DMD: variants seen among roughly 807,000 people sequenced by gnomAD.
DMD encodes the protein dystrophin, also known as mutant dystrophin.
A neutral mutation model predicts 330.1 loss-of-function variants in DMD; 63 were observed. The ratio of observed to expected loss-of-function variants is 0.19; its 90% CI spans 0.16 to 0.24. The LOEUF (loss-of-function observed/expected upper bound fraction) is 0.24. Among genes scored for constraint, DMD ranks in the 10% least tolerant of loss-of-function variants. The pLI, the probability that DMD is intolerant of heterozygous loss-of-function variation, is 1.00. For synonymous variants in DMD, 1,223 were observed against 959.8 expected (o/e 1.27, Z -5.07); for missense variants, 3,344 against 2,684.1 (o/e 1.25, Z -5.43).
At chrX:33,254,140 A>G (rs570960124) in intron 1 of DMD, among the ~76,000 whole-genome samples, 1 of 111,019 alleles carries the variant, frequency 9.0e-6, no homozygotes. Context: ...TATTCTTGCC[A>G]GTTTATAAAC....
At position 32,614,303 on chromosome X, in the gene DMD, C is replaced by A; in HGVS notation, c.1482G>T (p.Lys494Asn). 1 of 1,208,102 alleles carries A rather than the reference C, an allele frequency of 8.3e-7. No homozygotes were observed. Among genetic ancestry groups the A allele is most frequent in the African/African-American group, 1.7e-5 (1 of 57,378 alleles). ...AGCACGCAACATAAGATACACCTAC[C>A]TTATGTTGTTGTACTTGGCGTTTTA... Reference protein sequence around the residue: ...EDLKRQVQQHKVLQEDLEQEQ... With the variant: ...EDLKRQVQQHNVLQEDLEQEQ... The change falls in exon 12 of 79, where the codon AAG (lysine) becomes AAT (asparagine). Residue 494 changes from lysine (K) to asparagine (N), a missense_variant and splice_region_variant. Lys to Asn is a moderately conservative substitution (Grantham distance 94). Transcript: ENST00000357033.
At chrX:32,301,182 G>A (rs749835733) in intron 42 of DMD, among the ~76,000 whole-genome samples, 14 of 94,153 alleles carry the variant, frequency 1.5e-4, no homozygotes, top group African/African-American at 4.7e-4. Flanking sequence ...AAGCAAAATC[G>A]CTCTTTCATA....
intron 34 of DMD, among the ~76,000 whole-genome samples, chrX:32,379,528 A>G (rs1328798049): frequency 8.9e-6 from 1 of 111,858 alleles, no homozygotes; most frequent in East Asian, 2.8e-4. Flanking sequence ...ATAATTCAAT[A>G]TCTTATCTAA....
At chrX:31,537,423 C>T (rs1331122430) in intron 55 of DMD, among the ~76,000 whole-genome samples, 1 of 111,864 alleles carries the variant, frequency 8.9e-6, no homozygotes, top group Non-Finnish European at 1.9e-5. Context: ...CCATTTCAAA[C>T]CCTTGCAAGG....
chrX:31,795,108 T>G (rs994581135), intron 50 of DMD, among the ~76,000 whole-genome samples: 17 of 111,187 alleles, frequency 1.5e-4, no homozygotes, highest in African/African-American at 5.3e-4. Flanking sequence ...AAATTCTGCT[T>G]TCTAGGAGAA....
At chrX:32,962,277 G>A (rs1357929008) in intron 2 of DMD, among the ~76,000 whole-genome samples, 2 of 111,782 alleles carry the variant, frequency 1.8e-5, no homozygotes, top group African/African-American at 3.2e-5. Context: ...GACACATTAA[G>A]GTTATGCTTT....
intron 76 of DMD, 49 bp from the exon 77 acceptor site, chrX:31,134,243 A>C: frequency 1.0e-6 from 1 of 996,082 alleles, no homozygotes; most frequent in Non-Finnish European, 1.4e-6. Context: ...TATAGAAAAC[A>C]GATATTAAAG....
chrX:32,418,769 C>T (rs747784485), intron 29 of DMD, among the ~76,000 whole-genome samples: 13 of 107,930 alleles, frequency 1.2e-4, no homozygotes, highest in Admixed American at 3.9e-4. Context: ...TTCAGGAGAT[C>T]GAAACCATCC....
intron 30 of DMD, among the ~76,000 whole-genome samples, chrX:32,400,441 C>G (rs1022118643): frequency 1.8e-5 from 2 of 110,891 alleles, no homozygotes; most frequent in East Asian, 2.8e-4. Flanking sequence ...TGTCTCTGCC[C>G]GGCTTTGGTA....
chrX:33,144,676 C>G (rs1011420869), intron 1 of DMD, among the ~76,000 whole-genome samples: 1 of 111,065 alleles, frequency 9.0e-6, no homozygotes. Context: ...AGAGTGTAGA[C>G]CTTAGTCCAT....
intron 9 of DMD, among the ~76,000 whole-genome samples, chrX:32,655,531 AT>A (rs1312761030): frequency 2.7e-5 from 3 of 111,714 alleles, no homozygotes; most frequent in African/African-American, 9.8e-5. Context: ...GTTCTTTTAC[AT>A]TTGCTGAGGG....
chrX:31,240,227 T>C (rs1279129300), intron 63 of DMD, among the ~76,000 whole-genome samples: 1 of 111,726 alleles, frequency 9.0e-6, no homozygotes, highest in African/African-American at 3.2e-5. Flanking sequence ...AGGTTAATTA[T>C]GTAAAAGGTA....
Position 31,152,678 on chromosome X carries a change from C to A in DMD, c.10554-5160G>T, listed in dbSNP as rs977620230. On this transcript the variant is annotated intron_variant, in intron 74 of 78. Transcript: ENST00000357033. ...CCTCCTGAGTAGTTGGGACTACAGGCATGTACCACCACTCCTGGCTAATAT... is the reference window on the plus strand; with the variant it reads ...CCTCCTGAGTAGTTGGGACTACAGGAATGTACCACCACTCCTGGCTAATAT... Among the ~76,000 whole-genome samples, 33 of 111,387 alleles carry A rather than the reference C, an allele frequency of 3.0e-4. 1 individual carries two copies. Among genetic ancestry groups the A allele is most frequent in the Non-Finnish European group, 6.2e-4 (33 of 53,022 alleles).
intron 34 of DMD, among the ~76,000 whole-genome samples, chrX:32,370,207 G>T (rs2097869247): frequency 1.1e-5 from 1 of 91,042 alleles, no homozygotes. Context: ...GGTTTACCTT[G>T]AAAGTGGTAG....
chrX:33,107,319 C>T lies in DMD; in HGVS notation c.32-87119G>A, dbSNP rs750706463. Among the ~76,000 whole-genome samples the T allele has an allele frequency of 1.8e-4, 14 of 77,781 alleles. No individual in the cohort carries two copies. The East Asian group carries it at 2.4e-3, about 13-fold the overall frequency. 67.5% of individuals were successfully genotyped at this position (77,781 alleles called of 115,157 possible). ...AAGAGCGAAGCTCTGTCCCCCCCCC[C>T]CCCCCAACACACACAAAAAAAACAG... On this transcript the variant is annotated intron_variant, in intron 1 of 78. Transcript: ENST00000357033.
intron 33 of DMD, among the ~76,000 whole-genome samples, chrX:32,383,218 C>T (rs905420419): frequency 9.0e-6 from 1 of 110,560 alleles, no homozygotes; most frequent in Non-Finnish European, 1.9e-5. Context: ...TGAAATGGAT[C>T]AGCACCTTGA....
chrX:32,610,699 A>C (rs1194745009), intron 12 of DMD, among the ~76,000 whole-genome samples: 1 of 111,467 alleles, frequency 9.0e-6, no homozygotes, highest in African/African-American at 3.2e-5. Flanking sequence ...TCTTTAAGAA[A>C]AAATGGTGAT....
chrX:33,337,346 A>G (rs964670691), intron 1 of DMD, among the ~76,000 whole-genome samples: 4 of 111,561 alleles, frequency 3.6e-5, no homozygotes, highest in African/African-American at 1.3e-4. Context: ...ATTTTAAACA[A>G]CAGTATAGAC....
intron 30 of DMD, among the ~76,000 whole-genome samples, chrX:32,404,176 AT>A (rs955432883): frequency 1.8e-5 from 2 of 112,016 alleles, no homozygotes; most frequent in African/African-American, 6.5e-5. Flanking sequence ...GCAATTACGA[AT>A]TCTTCTTAAA....
Sources: allele counts gnomAD v4.1 joint callset (sites outside exome capture counted in the v4.1 genomes callset), GRCh38; gene constraint gnomAD v4.1.1; transcripts MANE v1.5; gene names NCBI Gene and HGNC (gene_info 2026-07-23, HGNC 2026-07-21).